Variants in KIAA0825 observed in about 807,000 individuals in gnomAD.
KIAA0825 encodes KIAA0825.
Under a neutral mutation model 147.6 loss-of-function variants are expected in KIAA0825, and 119 were observed. That is an observed-to-expected ratio of 0.81 (90% CI 0.69 to 0.94). The LOEUF (loss-of-function observed/expected upper bound fraction) is 0.94. KIAA0825 is among the 40% of genes least tolerant of loss of function. The pLI, the probability that KIAA0825 is intolerant of heterozygous loss-of-function variation, is 0.00. For missense variants in KIAA0825, 1,381 were observed against 1,472.7 expected (o/e 0.94, Z 1.02); for synonymous variants, 470 against 518.1 (o/e 0.91, Z 1.26).
At chr5:94,384,016 C>T (rs62364585) in intron 20 of KIAA0825, among the ~76,000 whole-genome samples, 2,135 of 152,152 alleles carry the variant, frequency 0.014, 22 homozygotes, top group Middle Eastern at 0.027. Context: ...TAATAACGTT[C>T]AAGTCAATAA....
At chr5:94,401,044 T>C (rs1298447204) in intron 16 of KIAA0825, among the ~76,000 whole-genome samples, 1 of 152,104 alleles carries the variant, frequency 6.6e-6, no homozygotes, top group Admixed American at 6.6e-5. Flanking sequence ...GAACCATGAT[T>C]ATATATCACT....
In KIAA0825 at chr5:94,386,331, G is replaced by A. The variant is rs72771666; in HGVS notation, c.3530C>T (p.Thr1177Met). The A allele has an allele frequency of 0.033, 51,557 of 1,551,332 alleles. 1,020 individuals carry two copies. The highest frequency in any genetic ancestry group is 0.058 in the East Asian group (2,379 of 40,866). ...CTGATCTTCTATACTCCTCAAGGTCGTCTTTAAAGGTCGGATGGGTAATGG... is the reference window on the plus strand; with the variant it reads ...CTGATCTTCTATACTCCTCAAGGTCATCTTTAAAGGTCGGATGGGTAATGG... ...EKPLPIRPLKTTLRSIEDQPS... is the reference protein window; with the variant it reads ...EKPLPIRPLKMTLRSIEDQPS... The change falls in exon 19 of 21, where the codon ACG becomes ATG. Residue 1177 changes from threonine to methionine, a missense_variant. Coordinates refer to ENST00000682413, the MANE Select transcript of KIAA0825 (RefSeq NM_001145678.3).
chr5:94,289,172 C>CTG (rs1158276957), intron 20 of KIAA0825, among the ~76,000 whole-genome samples: 1 of 152,166 alleles, frequency 6.6e-6, no homozygotes, highest in Non-Finnish European at 1.5e-5. Context: ...ATTTCACATG[C>CTG]TTTCAGTTGT....
intron 1 of KIAA0825, among the ~76,000 whole-genome samples, chr5:94,608,313 G>A (rs1380323142): frequency 4.4e-5 from 6 of 135,706 alleles, no homozygotes; most frequent in Non-Finnish European, 7.7e-5. Context: ...CTAGGAGGGA[G>A]TGCAGTGCTG....
At chr5:94,209,698 A>T (rs1336165803) in intron 20 of KIAA0825, among the ~76,000 whole-genome samples, 1 of 152,190 alleles carries the variant, frequency 6.6e-6, no homozygotes, top group Non-Finnish European at 1.5e-5. Context: ...AGAATCCTGC[A>T]GTAGACATCA....
rs141290941 is a variant in KIAA0825 at position 94,185,237 on chromosome 5, A to G, written c.3711-31113T>C. ...TTGTAATTTATTGGAAGTCATCACT[A>G]TAACAATCTACTGCTCTAGGCATCT... On this transcript the variant is annotated intron_variant, in intron 20 of 20. Transcript: ENST00000682413. Among the ~76,000 whole-genome samples, 57 of 152,330 alleles carry G rather than the reference A, an allele frequency of 3.7e-4. 1 individual carries two copies. The East Asian group carries it at 6.6e-3, about 18-fold the overall frequency.
chr5:94,214,552 G>A (rs1451793995), intron 20 of KIAA0825, among the ~76,000 whole-genome samples: 2 of 151,994 alleles, frequency 1.3e-5, no homozygotes, highest in Non-Finnish European at 2.9e-5. Flanking sequence ...GTGGCCCCAG[G>A]GCTTGTACTC....
At chr5:94,523,820 T>TATG in intron 4 of KIAA0825, 110 bp downstream of exon 4, 1 of 625,990 alleles carries the variant, frequency 1.6e-6, no homozygotes, top group Non-Finnish European at 2.6e-6. Context: ...AACCCCTATG[T>TATG]ATGGCAGGCT....
rs1413593873 is a variant in KIAA0825, at chr5:94,298,215, T to G, written c.3710+86153A>C. Reference sequence around the variant, plus strand: ...GTGAGCCGAGATTGCGCCACTGCACTCCAGCCCGGGTGACAGTGCAAGACT... The same window carrying G: ...GTGAGCCGAGATTGCGCCACTGCACGCCAGCCCGGGTGACAGTGCAAGACT... On this transcript the variant is annotated intron_variant, in intron 20 of 20. Coordinates refer to ENST00000682413, the MANE Select transcript of KIAA0825 (RefSeq NM_001145678.3). Among the ~76,000 whole-genome samples the G allele has an allele frequency of 2.0e-5, 3 of 151,752 alleles. No individual in the cohort carries two copies. The East Asian group carries it at 5.9e-4, about 30-fold the overall frequency.
chr5:94,521,185 T>C (rs1348379876), intron 4 of KIAA0825, among the ~76,000 whole-genome samples: 1 of 151,830 alleles, frequency 6.6e-6, no homozygotes, highest in Non-Finnish European at 1.5e-5. Context: ...GCCCTCATTG[T>C]TATCTACCCA....
intron 20 of KIAA0825, among the ~76,000 whole-genome samples, chr5:94,192,754 T>C (rs991044689): frequency 6.6e-6 from 1 of 152,162 alleles, no homozygotes. Context: ...CAATTGGGTA[T>C]AGAATCTAGC....
chr5:94,289,031 G>A (rs921742145), intron 20 of KIAA0825, among the ~76,000 whole-genome samples: 2 of 152,142 alleles, frequency 1.3e-5, no homozygotes, highest in African/African-American at 2.4e-5. Flanking sequence ...TGTTGTTGCC[G>A]ATGGAATTTA....
At chr5:94,420,597 T>A (rs1754057575) in intron 14 of KIAA0825, among the ~76,000 whole-genome samples, 4 of 152,158 alleles carry the variant, frequency 2.6e-5, no homozygotes. Context: ...TATATGACGT[T>A]CTGCGGATGC....
At chr5:94,296,143 G>A (rs998157424) in intron 20 of KIAA0825, among the ~76,000 whole-genome samples, 1 of 152,182 alleles carries the variant, frequency 6.6e-6, no homozygotes, top group Non-Finnish European at 1.5e-5. Context: ...TGGCTACAAT[G>A]GCTTTGCTGA....
chr5:94,471,575 C>A lies in KIAA0825; in HGVS notation c.1612G>T (p.Val538Phe), dbSNP rs548960954. ...TTTTTCAGGGGTGCTTTGGAAGGAACCTCCTTGGCTCTCTCTTGCAGTCTC... is the reference window on the plus strand; with the variant it reads ...TTTTTCAGGGGTGCTTTGGAAGGAAACTCCTTGGCTCTCTCTTGCAGTCTC... ...LQRLQERAKE[V>F]PSKAPLKNLH... The change falls in exon 9 of 21, where the codon GTT becomes TTT. Residue 538 changes from valine to phenylalanine, a missense_variant. Physicochemically the swap from Val to Phe is conservative, Grantham distance 50 (BLOSUM62 -1). Coordinates refer to ENST00000682413, the MANE Select transcript of KIAA0825 (RefSeq NM_001145678.3). 1.9e-6 allele frequency: 3 copies of A among 1,551,904 alleles called. 1 individual carries two copies. Among genetic ancestry groups the A allele is most frequent in the South Asian group, 2.4e-5 (2 of 84,066 alleles).
intron 1 of KIAA0825, among the ~76,000 whole-genome samples, chr5:94,583,513 G>A (rs1389789038): frequency 6.6e-6 from 1 of 152,330 alleles, no homozygotes; most frequent in African/African-American, 2.4e-5. Context: ...TGCAAACAAA[G>A]TGGCCCAGAA....
chr5:94,529,423 A>ATATGTATATATCATATATGTATATATCG (rs1770294524), intron 3 of KIAA0825, among the ~76,000 whole-genome samples: 1 of 146,758 alleles, frequency 6.8e-6, no homozygotes, highest in Non-Finnish European at 1.5e-5. Flanking sequence ...TGTATATATC[A>ATATGTATATATCATATATGTATATATCG]TATGTATATA....
chr5:94,266,211 T>C (rs1276188374), intron 20 of KIAA0825, among the ~76,000 whole-genome samples: 1 of 152,192 alleles, frequency 6.6e-6, no homozygotes, highest in Admixed American at 6.5e-5. Flanking sequence ...TGGAAAACTT[T>C]GTATCTGCTA....
chr5:94,200,614 G>A (rs778104901), intron 20 of KIAA0825, among the ~76,000 whole-genome samples: 1 of 151,934 alleles, frequency 6.6e-6, no homozygotes, highest in Non-Finnish European at 1.5e-5. Context: ...ACTTAAGGTG[G>A]GTAGGCAGTC....
Sources: allele counts gnomAD v4.1 joint callset (sites outside exome capture counted in the v4.1 genomes callset), GRCh38; gene constraint gnomAD v4.1.1; transcripts MANE v1.5; gene names NCBI Gene and HGNC (gene_info 2026-07-23, HGNC 2026-07-21).